ARHGEF5: variants seen among roughly 807,000 people sequenced by gnomAD.
ARHGEF5 encodes Rho guanine nucleotide exchange factor 5.
A neutral mutation model predicts 104.0 loss-of-function variants in ARHGEF5; 11 were observed. The observed-to-expected ratio is 0.11, with a 90% CI of 0.07 to 0.18. The LOEUF (loss-of-function observed/expected upper bound fraction) is 0.18. Among genes scored for constraint, ARHGEF5 ranks in the 10% least tolerant of loss-of-function variants. ARHGEF5 has a pLI of 1.00. For missense variants in ARHGEF5, 165 were observed against 1,335.4 expected (o/e 0.12, Z 13.66); for synonymous variants, 60 against 512.2 (o/e 0.12, Z 11.92).
At chr7:144,370,261 A>G (rs996234613) in intron 5 of ARHGEF5, among the ~76,000 whole-genome samples, 1 of 150,360 alleles carries the variant, frequency 6.7e-6, no homozygotes, top group Non-Finnish European at 1.5e-5. Context: ...AATTCCAAAA[A>G]ATAAAAAAAA....
At position 144,377,315 on chromosome 7, in the gene ARHGEF5, G is replaced by T. The variant is rs1010125915; in HGVS notation, c.4531+125G>T. On this transcript the variant is annotated intron_variant, in intron 13 of 14. Transcript: ENST00000056217. The stretch of plus-strand genomic sequence containing the variant: ...TTATTGATATTCCGTAAAATGTCAG[G>T]GTGGAAGATTGGCCTCTAGAGCTTA... 3.3e-6 allele frequency: 5 copies of T among 1,517,514 alleles called. No individual in the cohort carries two copies. In the South Asian group the frequency reaches 5.0e-5, roughly 15 times the overall value. 94.0% of individuals were successfully genotyped at this position (1,517,514 alleles called of 1,614,324 possible). A position where few individuals can be genotyped will look rare whatever the true frequency, so the allele number is the denominator to read the frequency against.
At chr7:144,379,737 C>CA (rs941013262) in intron 14 of ARHGEF5, among the ~76,000 whole-genome samples, 162 bp from the exon 15 acceptor site, 1 of 152,202 alleles carries the variant, frequency 6.6e-6, no homozygotes, top group African/African-American at 2.4e-5. Context: ...GACTTGGCCA[C>CA]ACCCAGGGCC....
At chr7:144,361,000 C>T (rs546226805) in intron 1 of ARHGEF5, among the ~76,000 whole-genome samples, 48 of 145,488 alleles carry the variant, frequency 3.3e-4, no homozygotes, top group African/African-American at 1.2e-3. Context: ...GAGGCCGAGG[C>T]GGGTGGATAA....
At position 144,362,790 on chromosome 7, in the gene ARHGEF5, CAAG is replaced by C; in HGVS notation, c.126_128del (p.Glu42del). On this transcript the variant is annotated inframe_deletion, in exon 2 of 15. Coordinates refer to ENST00000056217, the MANE Select transcript of ARHGEF5 (RefSeq NM_005435.4). ...GGTCTCTGCCTTGGGGCTTGAAGCTCAAGAAGATGAGGACCCATCCTATAAGTG... is the reference window on the plus strand; with the variant it reads ...GGTCTCTGCCTTGGGGCTTGAAGCTCAAGATGAGGACCCATCCTATAAGTG... 2.5e-6 allele frequency: 4 copies of C among 1,593,552 alleles called. No individual in the cohort carries two copies. Among genetic ancestry groups the C allele is most frequent in the Non-Finnish European group, 3.4e-6 (4 of 1,163,996 alleles).
At chr7:144,378,887 G>A (rs1432425860) in intron 14 of ARHGEF5, 21 bp downstream of exon 14, 5 of 1,607,368 alleles carry the variant, frequency 3.1e-6, no homozygotes, top group East Asian at 4.5e-5. Flanking sequence ...GCATGCGTGA[G>A]CAGCAGGCCA....
rs975640957 is a variant in ARHGEF5, at chr7:144,380,456, A to G, written c.*400A>G. The stretch of plus-strand genomic sequence containing the variant: ...TCAGTCTCCTGGAGGGAGATGTTTA[A>G]GAGGGGTTAACACATCAGATGGGAG... On this transcript the variant is annotated 3_prime_UTR_variant, in exon 15 of 15. Coordinates refer to ENST00000056217, the MANE Select transcript of ARHGEF5 (RefSeq NM_005435.4). 6.2e-5 allele frequency: 11 copies of G among 177,798 alleles called. No individual in the cohort carries two copies. The highest frequency in any genetic ancestry group is 2.7e-4 in the Admixed American group (5 of 18,546). 11.0% of individuals were successfully genotyped at this position (177,798 alleles called of 1,614,324 possible).
intron 11 of ARHGEF5, among the ~76,000 whole-genome samples, chr7:144,375,161 CAT>C (rs1303714296): frequency 2.8e-5 from 2 of 70,812 alleles, no homozygotes; most frequent in East Asian, 1.3e-3. Context: ...CACATTCTCA[CAT>C]GAGTCTATTT....
In ARHGEF5 at chr7:144,360,236, G is replaced by A. The variant is rs2525700; in HGVS notation, c.-12-2422G>A. On this transcript the variant is annotated intron_variant, in intron 1 of 14. Coordinates refer to ENST00000056217, the MANE Select transcript of ARHGEF5 (RefSeq NM_005435.4). ...GATCCCTCTCCTGCCTCAGCCTCCC[G>A]AGTAGCTGGAACTACAGGCACGTGC... Among the ~76,000 whole-genome samples, 7 of 117,128 alleles carry A rather than the reference G, an allele frequency of 6.0e-5. 3 individuals are homozygous for A. Among genetic ancestry groups the A allele is most frequent in the Admixed American group, 1.8e-4 (2 of 10,934 alleles). The allele number at this position is 117,128 out of a possible 152,430, so 76.8% of individuals were successfully genotyped here.
At chr7:144,378,475 C>T (rs368724053) in intron 13 of ARHGEF5, among the ~76,000 whole-genome samples, 18 of 152,252 alleles carry the variant, frequency 1.2e-4, no homozygotes, top group Admixed American at 7.2e-4. Context: ...GAGTCAGGGA[C>T]GGTTTCAGAG....
Position 144,373,278 on chromosome 7 carries a change from G to A in ARHGEF5, c.4134G>A (p.Glu1378=). 3 of 1,440,810 alleles carry A rather than the reference G, an allele frequency of 2.1e-6. 1 individual carries two copies. The highest frequency in any genetic ancestry group is 2.8e-6 in the Non-Finnish European group (3 of 1,056,892). 89.3% of individuals were successfully genotyped at this position (1,440,810 alleles called of 1,614,324 possible). The part of the protein sequence containing the change: ...LIYLSQKIEF[E]CKIFPLISQS... Reference sequence around the variant, plus strand: ...ACCTGAGCCAGAAGATTGAGTTTGAGTGCAAAGTGAGTCGGTCCCATGCAC... The same window carrying A: ...ACCTGAGCCAGAAGATTGAGTTTGAATGCAAAGTGAGTCGGTCCCATGCAC... The change falls in exon 10 of 15, where the codon GAG becomes GAA. Residue 1378 remains glutamate (E), a synonymous_variant. Transcript: ENST00000056217.
chr7:144,380,124 C>T lies in ARHGEF5; in HGVS notation c.*68C>T. The stretch of plus-strand genomic sequence containing the variant: ...TCATGGCAAGGGCTGGCCCCAGAAC[C>T]CTGCAAGAGAGGCCTTCTGTGGATG... On this transcript the variant is annotated 3_prime_UTR_variant, in exon 15 of 15. Coordinates refer to ENST00000056217, the MANE Select transcript of ARHGEF5 (RefSeq NM_005435.4). The T allele has an allele frequency of 6.3e-7, 1 of 1,587,866 alleles. No individual in the cohort carries two copies.
At position 144,380,094 on chromosome 7, in the gene ARHGEF5, G is replaced by A. The variant is rs1436800478; in HGVS notation, c.*38G>A. 4 of 1,612,414 alleles carry A rather than the reference G, an allele frequency of 2.5e-6. No individual in the cohort carries two copies. Among genetic ancestry groups the A allele is most frequent in the Non-Finnish European group, 3.4e-6 (4 of 1,178,754 alleles). ...AGGAGTTTCGTGAGCTGAAGAACAAGCTGCTCATGGCAAGGGCTGGCCCCA... is the reference window on the plus strand; with the variant it reads ...AGGAGTTTCGTGAGCTGAAGAACAAACTGCTCATGGCAAGGGCTGGCCCCA... On this transcript the variant is annotated 3_prime_UTR_variant, in exon 15 of 15. Coordinates refer to ENST00000056217, the MANE Select transcript of ARHGEF5 (RefSeq NM_005435.4).
intron 1 of ARHGEF5, among the ~76,000 whole-genome samples, chr7:144,360,458 C>T (rs1410269531): frequency 3.4e-5 from 3 of 86,968 alleles, no homozygotes; most frequent in South Asian, 4.7e-4. Flanking sequence ...CCATCTTATA[C>T]GATGACTCTT....
rs776561180 is a variant in ARHGEF5 at position 144,380,055 on chromosome 7, A to C, written c.4793A>C (p.Ter1598SerextTer10). 1 of 1,614,166 alleles carries C rather than the reference A, an allele frequency of 6.2e-7. No individual in the cohort carries two copies. Among genetic ancestry groups the C allele is most frequent in the South Asian group, 1.1e-5 (1 of 91,080 alleles). Residue 1598 changes from the stop codon to serine (S), a stop_lost, in exon 15 of 15, where the codon TAA becomes TCA. Transcript: ENST00000056217. ...AKLQLVEQQA[*>S] ...CTACAGCTGGTGGAACAGCAAGCCT[A>C]AGTCTTCTCTGAGAGGAGTTTCGTG...
rs749161855 is a variant in ARHGEF5, at chr7:144,379,918, G to T, written c.4656G>T (p.Arg1552Ser). Reference sequence around the variant, plus strand: ...CCACAGGCTGGCTGGAGGGCGTGAGGCTCTCAGACGGGGAGCGAGGCTGGT... The same window carrying T: ...CCACAGGCTGGCTGGAGGGCGTGAGTCTCTCAGACGGGGAGCGAGGCTGGT... ...QSSDGWLEGV[R>S]LSDGERGWFP... The change falls in exon 15 of 15, where the codon AGG becomes AGT. Residue 1552 changes from arginine (R) to serine (S), a missense_variant. Transcript: ENST00000056217. 1 of 1,614,176 alleles carries T rather than the reference G, an allele frequency of 6.2e-7. No individual in the cohort carries two copies. Among genetic ancestry groups the T allele is most frequent in the Admixed American group, 1.7e-5 (1 of 60,022 alleles).
At chr7:144,378,976 T>G in intron 14 of ARHGEF5, 110 bp downstream of exon 14, 1 of 1,079,792 alleles carries the variant, frequency 9.3e-7, no homozygotes. Flanking sequence ...ACTGGGTGGC[T>G]TATGGCAACA....
rs770762631 is a variant in ARHGEF5, at chr7:144,373,226, G to T, written c.4082G>T (p.Ser1361Ile). The T allele has an allele frequency of 1.2e-5, 17 of 1,453,918 alleles. 2 individuals are homozygous for T. The East Asian group carries it at 1.4e-4, about 12-fold the overall frequency. 90.1% of individuals were successfully genotyped at this position (1,453,918 alleles called of 1,614,324 possible). ...CGGGACTGCAATAACAATGTCCAGA[G>T]TATGCGACGGACAGAGGAACTAATC... is the stretch of plus-strand genomic sequence containing the variant. ...LIRDCNNNVQ[S>I]MRRTEELIYL... Residue 1361 changes from serine to isoleucine, a missense_variant, in exon 10 of 15, where the codon AGT becomes ATT. Transcript: ENST00000056217.
In ARHGEF5 at chr7:144,380,604, C is replaced by T. The variant is rs1460231199; in HGVS notation, c.*548C>T. The T allele has an allele frequency of 1.3e-5, 2 of 152,682 alleles. No homozygotes were observed. Among genetic ancestry groups the T allele is most frequent in the East Asian group, 3.9e-4 (2 of 5,194 alleles). 9.5% of individuals were successfully genotyped at this position (152,682 alleles called of 1,614,324 possible). A position where few individuals can be genotyped will look rare whatever the true frequency, so the allele number is the denominator to read the frequency against. ...GCAATGTGAGGGTGATACTCTCTCA[C>T]TCTAATAAACTTGGCACTTCTCCGA... is the stretch of plus-strand genomic sequence containing the variant. On this transcript the variant is annotated 3_prime_UTR_variant, in exon 15 of 15. Transcript: ENST00000056217.
Position 144,366,933 on chromosome 7 carries a change from A to G in ARHGEF5, c.3277+23A>G. 7.5e-6 allele frequency: 3 copies of G among 400,556 alleles called. 1 individual carries two copies. The highest frequency in any genetic ancestry group is 1.1e-5 in the Non-Finnish European group (3 of 274,118). 24.8% of individuals were successfully genotyped at this position (400,556 alleles called of 1,614,324 possible). On this transcript the variant is annotated intron_variant, in intron 4 of 14. Coordinates refer to ENST00000056217, the MANE Select transcript of ARHGEF5 (RefSeq NM_005435.4). ...CCTGTGAGTACCTTGAAGTGGAACT[A>G]TAGAACCAGGTGGGCATTCTGCCCA... is the stretch of plus-strand genomic sequence containing the variant.
Sources: allele counts gnomAD v4.1 joint callset (sites outside exome capture counted in the v4.1 genomes callset), GRCh38; gene constraint gnomAD v4.1.1; transcripts MANE v1.5; gene names NCBI Gene and HGNC (gene_info 2026-07-23, HGNC 2026-07-21).